MED12L: variants seen among roughly 807,000 people sequenced by gnomAD.
The protein encoded by MED12L is mediator of RNA polymerase II transcription subunit 12-like protein.
MED12L carries 60 observed loss-of-function variants against 281.3 expected under a neutral mutation model. The observed-to-expected ratio is 0.21, with a 90% CI of 0.17 to 0.26. The LOEUF is 0.26. MED12L is among the 10% of genes least tolerant of loss of function. The probability of loss-of-function intolerance (pLI) is 1.00; values close to 1 mark genes in which losing one functional copy is unlikely to be tolerated. For missense variants in MED12L, 2,146 were observed against 2,680.9 expected (o/e 0.80, Z 4.41); for synonymous variants, 974 against 987.2 (o/e 0.99, Z 0.25).
intron 16 of MED12L, chr3:151,329,102 G>GC: frequency 1.2e-6 from 1 of 837,380 alleles, no homozygotes; most frequent in Non-Finnish European, 1.9e-6. Context: ...TATGTTTATA[G>GC]CATATTAACA....
At chr3:151,119,256 A>G (rs1713364382) in intron 3 of MED12L, among the ~76,000 whole-genome samples, 1 of 152,326 alleles carries the variant, frequency 6.6e-6, no homozygotes, top group South Asian at 2.1e-4. Flanking sequence ...TTGTATTACT[A>G]CTTGGTTAAA....
At chr3:151,356,470 A>G (rs1753935935) in intron 19 of MED12L, among the ~76,000 whole-genome samples, 1 of 152,222 alleles carries the variant, frequency 6.6e-6, no homozygotes, top group South Asian at 2.1e-4. Context: ...TTTTAGGGAC[A>G]TAGTACAATT....
At chr3:151,366,539 A>G (rs1755297085) in intron 23 of MED12L, among the ~76,000 whole-genome samples, 1 of 152,216 alleles carries the variant, frequency 6.6e-6, no homozygotes, top group Non-Finnish European at 1.5e-5. Context: ...ACTTCCTTGG[A>G]TATCATGTTG....
chr3:151,356,441 T>C (rs966383783), intron 19 of MED12L, among the ~76,000 whole-genome samples: 1 of 152,092 alleles, frequency 6.6e-6, no homozygotes, highest in Non-Finnish European at 1.5e-5. Context: ...AATGAACCAA[T>C]TGCTGTACAT....
At chr3:151,327,860 C>A in intron 16 of MED12L, 2 of 653,522 alleles carry the variant, frequency 3.1e-6, no homozygotes, top group East Asian at 2.8e-5. Context: ...TTTATATAAT[C>A]TTTTCTGTAC....
At chr3:151,271,079 T>C (rs1429439801) in intron 16 of MED12L, among the ~76,000 whole-genome samples, 3 of 150,130 alleles carry the variant, frequency 2.0e-5, no homozygotes, top group Non-Finnish European at 4.4e-5. Context: ...ATTAAGAAAA[T>C]GAAGGCAAGC....
Position 151,192,531 on chromosome 3 carries a change from T to C in MED12L, c.1969-19T>C. The C allele has an allele frequency of 2.7e-6, 4 of 1,494,866 alleles. No individual in the cohort carries two copies. Among genetic ancestry groups the C allele is most frequent in the Non-Finnish European group, 3.6e-6 (4 of 1,109,392 alleles). 92.6% of individuals were successfully genotyped at this position (1,494,866 alleles called of 1,614,324 possible). ...CTCCAAAACTTACAATGTTACTTTC[T>C]TTCTCTGGCGATTATCAGGAACAGA... is the stretch of plus-strand genomic sequence containing the variant. On this transcript the variant is annotated intron_variant, in intron 14 of 44. Coordinates refer to ENST00000687756, the MANE Select transcript of MED12L (RefSeq NM_001393769.1).
At position 151,086,885 on chromosome 3, in the gene MED12L, A is replaced by G; in HGVS notation, c.-42A>G. ...CCTGGTGCTCAGAGGCGGCTGCTCCAGCTCCAACTCTCATTCATTTCGCCG... is the reference window on the plus strand; with the variant it reads ...CCTGGTGCTCAGAGGCGGCTGCTCCGGCTCCAACTCTCATTCATTTCGCCG... On this transcript the variant is annotated 5_prime_UTR_variant, in exon 2 of 45. Transcript: ENST00000687756. The G allele has an allele frequency of 6.6e-7, 1 of 1,504,152 alleles. No homozygotes were observed. The highest frequency in any genetic ancestry group is 9.0e-7 in the Non-Finnish European group (1 of 1,110,378). 93.2% of individuals were successfully genotyped at this position (1,504,152 alleles called of 1,614,324 possible). A position where few individuals can be genotyped will look rare whatever the true frequency, so the allele number is the denominator to read the frequency against.
chr3:151,237,793 C>G (rs1373941172), intron 16 of MED12L, among the ~76,000 whole-genome samples: 3 of 152,256 alleles, frequency 2.0e-5, no homozygotes, highest in East Asian at 3.9e-4. Context: ...ATATTGTAGT[C>G]TTCATTTGTA....
chr3:151,146,766 A>G (rs1293331159), intron 5 of MED12L, among the ~76,000 whole-genome samples: 3 of 152,188 alleles, frequency 2.0e-5, no homozygotes, highest in African/African-American at 7.2e-5. Flanking sequence ...TCAGTAATGT[A>G]TCACGCTGTG....
Position 151,086,822 on chromosome 3 carries a change from GA to G in MED12L, c.-104del. On this transcript the variant is annotated 5_prime_UTR_variant, in exon 2 of 45. Transcript: ENST00000687756. ...GCGCCACAGCGAGCGAGCGAGCGAG[GA>G]GGGGGAGAGAGGGAGTCTGTCTGCA... 1 of 840,090 alleles carries G rather than the reference GA, an allele frequency of 1.2e-6. No individual in the cohort carries two copies. Among genetic ancestry groups the G allele is most frequent in the South Asian group, 1.8e-5 (1 of 54,576 alleles). 52.0% of individuals were successfully genotyped at this position (840,090 alleles called of 1,614,324 possible).
At chr3:151,270,704 A>G (rs767989735) in intron 16 of MED12L, among the ~76,000 whole-genome samples, 5 of 152,186 alleles carry the variant, frequency 3.3e-5, no homozygotes, top group African/African-American at 4.8e-5. Flanking sequence ...TTAAGTGTGT[A>G]TTTTGACAAC....
At chr3:151,105,744 C>G (rs76932251) in intron 2 of MED12L, among the ~76,000 whole-genome samples, 3 of 152,168 alleles carry the variant, frequency 2.0e-5, no homozygotes, top group Non-Finnish European at 4.4e-5. Flanking sequence ...CATATGCAGA[C>G]AACTCACGAC....
At chr3:151,354,120 G>A (rs1344548869) in intron 17 of MED12L, among the ~76,000 whole-genome samples, 2 of 109,346 alleles carry the variant, frequency 1.8e-5, no homozygotes, top group Admixed American at 2.8e-4. Context: ...CAGCCTGGGC[G>A]ACAGAGCGAG....
At chr3:151,086,182 C>T (rs1055713760) in intron 1 of MED12L, among the ~76,000 whole-genome samples, 8 of 152,174 alleles carry the variant, frequency 5.3e-5, no homozygotes, top group Admixed American at 2.6e-4. Flanking sequence ...CTGCCCGGAG[C>T]CGCCGAGGGG....
intron 5 of MED12L, among the ~76,000 whole-genome samples, chr3:151,147,706 G>A (rs1285015807): frequency 6.6e-6 from 1 of 152,180 alleles, no homozygotes; most frequent in Non-Finnish European, 1.5e-5. Context: ...CTCTCTTAGG[G>A]CCGAATGGTG....
intron 16 of MED12L, among the ~76,000 whole-genome samples, chr3:151,304,687 C>G (rs1577284317): frequency 2.0e-5 from 3 of 151,982 alleles, no homozygotes; most frequent in Admixed American, 1.3e-4. Context: ...CTCTCATTCT[C>G]TGAATTACAG....
chr3:151,171,831 G>C (rs941155894), intron 11 of MED12L, among the ~76,000 whole-genome samples: 3 of 152,138 alleles, frequency 2.0e-5, no homozygotes, highest in Non-Finnish European at 4.4e-5. Flanking sequence ...TGTCAGTGCT[G>C]GGCTTGTTCC....
intron 16 of MED12L, among the ~76,000 whole-genome samples, chr3:151,274,614 G>A (rs1274927330): frequency 6.6e-6 from 1 of 152,228 alleles, no homozygotes; most frequent in Non-Finnish European, 1.5e-5. Context: ...TCAGCTCCCA[G>A]CTGGATTAAG....
Sources: gnomAD v4.1 joint callset for allele counts (sites outside exome capture counted in the v4.1 genomes callset) on GRCh38, gnomAD v4.1.1 for gene constraint, MANE v1.5 for transcripts, NCBI Gene and HGNC (gene_info 2026-07-23, HGNC 2026-07-21) for gene names.